Variants in CYP4X1 observed in about 807,000 individuals in gnomAD.
The protein encoded by CYP4X1 is cytochrome P450 4X1.
In CYP4X1, 44 loss-of-function variants were observed where a neutral mutation model predicts 57.9. The observed-to-expected ratio is 0.76, with a 90% confidence interval of 0.60 to 0.98. CYP4X1 has a LOEUF of 0.98. Ranked by LOEUF, CYP4X1 falls within the 50% of genes least tolerant of loss-of-function variation. The pLI, the probability that CYP4X1 is intolerant of heterozygous loss-of-function variation, is 0.00. For missense variants in CYP4X1, 532 were observed against 623.9 expected, an observed-to-expected ratio of 0.85 and a Z score of 1.57; for synonymous variants, 227 against 228.6, an observed-to-expected ratio of 0.99 and a Z score of 0.06.
Position 47,036,171 on chromosome 1 carries a change from G to A in CYP4X1, c.775G>A (p.Asp259Asn), listed in dbSNP as rs903571853. ...AAGCCGAGTGTTGAATCAGTACACAGGTATTTGTTGGGTTTGGGTTGCCCA... is the reference window on the plus strand; with the variant it reads ...AAGCCGAGTGTTGAATCAGTACACAAGTATTTGTTGGGTTTGGGTTGCCCA... ...KLSRVLNQYT[D>N]TIIQERKKSL... The change falls in exon 6 of 12, where the codon GAT (aspartate) becomes AAT (asparagine). Residue 259 changes from aspartate (D) to asparagine (N), a missense_variant and splice_region_variant. Transcript: ENST00000371901. 4 of 1,605,940 alleles carry A rather than the reference G, an allele frequency of 2.5e-6. No individual in the cohort carries two copies. The highest frequency in any genetic ancestry group is 1.3e-5 in the African/African-American group (1 of 74,718).
the CYP4X1 span, among the ~76,000 whole-genome samples, chr1:47,004,233 C>T: frequency 6.6e-6 from 1 of 152,358 alleles, no homozygotes; most frequent in East Asian, 1.9e-4. Flanking sequence ...GTGGAGCGTA[C>T]TTTCATTTTC....
At chr1:46,992,942 T>C in the CYP4X1 span, among the ~76,000 whole-genome samples, 2 of 152,312 alleles carry the variant, frequency 1.3e-5, no homozygotes, top group Admixed American at 1.3e-4. Flanking sequence ...ACTTCCTTTT[T>C]TTATTACACT....
At chr1:47,050,981 C>T (rs925247264), downstream of CYP4X1, among the ~76,000 whole-genome samples, 4 of 152,122 alleles carry the variant, frequency 2.6e-5, no homozygotes, top group Non-Finnish European at 5.9e-5. Flanking sequence ...TTGCAACCTA[C>T]TCATCTGACA....
At chr1:47,049,702 C>G (rs1229416301) in intron 11 of CYP4X1, among the ~76,000 whole-genome samples, 198 bp downstream of exon 11, 1 of 152,174 alleles carries the variant, frequency 6.6e-6, no homozygotes, top group Non-Finnish European at 1.5e-5. Context: ...GCCTCAAAAG[C>G]AGTCCCACAA....
the CYP4X1 span, among the ~76,000 whole-genome samples, chr1:47,012,323 C>T: frequency 1.3e-5 from 2 of 152,200 alleles, no homozygotes; most frequent in African/African-American, 4.8e-5. Context: ...AAACCAAACA[C>T]TGTATGTTCT....
At chr1:46,992,252 G>A in the CYP4X1 span, among the ~76,000 whole-genome samples, 1 of 152,240 alleles carries the variant, frequency 6.6e-6, no homozygotes, top group Non-Finnish European at 1.5e-5. Flanking sequence ...GGAGGCAGAG[G>A]TTGAAGAATA....
At chr1:46,994,035 G>A in the CYP4X1 span, among the ~76,000 whole-genome samples, 1 of 152,162 alleles carries the variant, frequency 6.6e-6, no homozygotes, top group Non-Finnish European at 1.5e-5. Flanking sequence ...TATTGCCTAG[G>A]TTTTCTTCTG....
intron 8 of CYP4X1, among the ~76,000 whole-genome samples, chr1:47,042,761 A>T (rs1470960235): frequency 2.6e-5 from 4 of 152,162 alleles, no homozygotes; most frequent in African/African-American, 9.7e-5. Context: ...CTCCAATTCC[A>T]TCCAGATTGC....
chr1:46,996,472 G>T, the CYP4X1 span, among the ~76,000 whole-genome samples: 7 of 152,158 alleles, frequency 4.6e-5, no homozygotes, highest in African/African-American at 1.7e-4. Flanking sequence ...CTCTATTCGG[G>T]GTGGTTTCTG....
chr1:46,990,644 C>G, the CYP4X1 span, among the ~76,000 whole-genome samples: 1 of 152,106 alleles, frequency 6.6e-6, no homozygotes, highest in African/African-American at 2.4e-5. Context: ...AGACTTAGGA[C>G]CAACCCAAAT....
Position 47,030,058 on chromosome 1 carries a change from C to G in CYP4X1, c.246C>G (p.Phe82Leu). 1 of 1,614,106 alleles carries G rather than the reference C, an allele frequency of 6.2e-7. No homozygotes were observed. The highest frequency in any genetic ancestry group is 8.5e-7 in the Non-Finnish European group (1 of 1,179,998). Residue 82 changes from phenylalanine to leucine, a missense_variant, in exon 2 of 12, where the codon TTC becomes TTG. Physicochemically the swap from Phe to Leu is conservative, Grantham distance 22. Transcript: ENST00000371901. ...IIEKYPRAFP[F>L]WIGPFQAFFC... ...AAAAATACCCTCGTGCCTTCCCTTT[C>G]TGGATTGGGCCCTTTCAGGCATTTT...
the CYP4X1 span, among the ~76,000 whole-genome samples, chr1:46,980,580 A>T: frequency 2.0e-5 from 3 of 152,242 alleles, no homozygotes; most frequent in Non-Finnish European, 2.9e-5. Flanking sequence ...ATTCAATGCC[A>T]TCCCCATCAA....
the CYP4X1 span, among the ~76,000 whole-genome samples, chr1:46,976,915 A>C: frequency 1.3e-5 from 2 of 152,128 alleles, no homozygotes; most frequent in East Asian, 3.8e-4. Context: ...CAGACAGAAA[A>C]GAATTGCATC....
chr1:46,992,482 C>T, the CYP4X1 span, among the ~76,000 whole-genome samples: 3 of 152,216 alleles, frequency 2.0e-5, no homozygotes, highest in Non-Finnish European at 4.4e-5. Flanking sequence ...TATTCCTCTA[C>T]CTATAAGCGG....
At chr1:46,966,388 G>T in the CYP4X1 span, among the ~76,000 whole-genome samples, 1 of 152,144 alleles carries the variant, frequency 6.6e-6, no homozygotes, top group Admixed American at 6.6e-5. Flanking sequence ...CTGTGTATCT[G>T]ACCCAAGGCC....
chr1:47,009,462 A>ATCTT, the CYP4X1 span, among the ~76,000 whole-genome samples: 3 of 152,240 alleles, frequency 2.0e-5, no homozygotes, highest in African/African-American at 4.8e-5. Flanking sequence ...AAAGCAGGAA[A>ATCTT]GATCTAAAAT....
the CYP4X1 span, among the ~76,000 whole-genome samples, chr1:47,008,041 G>A: frequency 6.6e-6 from 1 of 152,274 alleles, no homozygotes; most frequent in Admixed American, 6.5e-5. Flanking sequence ...TAGCAAGGCA[G>A]GCCAACATTC....
the CYP4X1 span, among the ~76,000 whole-genome samples, chr1:46,971,732 G>A: frequency 6.6e-6 from 1 of 152,116 alleles, no homozygotes; most frequent in East Asian, 1.9e-4. Flanking sequence ...TTTGAGAAGT[G>A]TCTGTTCAAA....
the CYP4X1 span, among the ~76,000 whole-genome samples, chr1:46,980,447 A>G: frequency 9.8e-5 from 15 of 152,350 alleles, no homozygotes; most frequent in African/African-American, 3.4e-4. Context: ...TTCAAGGAGA[A>G]CTACAAACCA....
Sources: allele counts gnomAD v4.1 joint callset (sites outside exome capture counted in the v4.1 genomes callset), GRCh38; gene constraint gnomAD v4.1.1; transcripts MANE v1.5; gene names NCBI Gene and HGNC (gene_info 2026-07-23, HGNC 2026-07-21).